FHIT: variants seen among roughly 807,000 people sequenced by gnomAD.
FHIT encodes the protein fragile histidine triad diadenosine triphosphatase, also known as bis(5'-adenosyl)-triphosphatase.
Under a neutral mutation model 17.9 loss-of-function variants are expected in FHIT, and 19 were observed. The observed-to-expected ratio is 1.06, with a 90% CI of 0.74 to 1.56. FHIT has a LOEUF of 1.56. Among genes scored for constraint, FHIT ranks in the 40% most tolerant of loss-of-function variants. The pLI is 0.00. For missense variants in FHIT, 248 were observed against 189.2 expected, an observed-to-expected ratio of 1.31 and a Z score of -1.82; for synonymous variants, 81 against 69.7, an observed-to-expected ratio of 1.16 and a Z score of -0.81.
chr3:60,495,429 G>A (rs1372624456), intron 5 of FHIT, among the ~76,000 whole-genome samples: 2 of 151,536 alleles, frequency 1.3e-5, no homozygotes, highest in Admixed American at 6.6e-5. Context: ...AGTTTATGGG[G>A]CTTTGTGTTT....
At chr3:61,059,231 C>A (rs2034337172) in intron 2 of FHIT, among the ~76,000 whole-genome samples, 1 of 152,204 alleles carries the variant, frequency 6.6e-6, no homozygotes, top group African/African-American at 2.4e-5. Context: ...CACTGTCCAA[C>A]ATTTTACACA....
chr3:60,610,073 T>A (rs2038737931), intron 4 of FHIT, among the ~76,000 whole-genome samples: 1 of 152,210 alleles, frequency 6.6e-6, no homozygotes, highest in South Asian at 2.1e-4. Context: ...GTAAATAAAC[T>A]ACATTATTAT....
At position 61,231,128 on chromosome 3, in the gene FHIT, C is replaced by T. The variant is rs373528619; in HGVS notation, c.-213+20173G>A. ...GAAGAGAAATTGGGTAACGCATAGG[C>T]ATGAATCTCTCTATACTAGTTCTTA... On this transcript the variant is annotated intron_variant, in intron 1 of 9. Transcript: ENST00000492590. Among the ~76,000 whole-genome samples the T allele has an allele frequency of 1.3e-4, 19 of 151,906 alleles. No individual in the cohort carries two copies. In the East Asian group the frequency reaches 1.9e-3, roughly 16 times the overall value.
chr3:60,462,907 C>T (rs2032563764), intron 5 of FHIT, among the ~76,000 whole-genome samples: 1 of 152,204 alleles, frequency 6.6e-6, no homozygotes, highest in Admixed American at 6.5e-5. Flanking sequence ...ACCAACCCTG[C>T]TCTGTATCAC....
chr3:59,998,804 T>C (rs1364492080), intron 7 of FHIT, among the ~76,000 whole-genome samples: 2 of 152,120 alleles, frequency 1.3e-5, no homozygotes, highest in African/African-American at 4.8e-5. Flanking sequence ...CTGACCCATA[T>C]TTCCAGTTTA....
chr3:60,975,966 C>T (rs532795987), intron 3 of FHIT, among the ~76,000 whole-genome samples: 1 of 152,188 alleles, frequency 6.6e-6, no homozygotes, highest in South Asian at 2.1e-4. Flanking sequence ...CAAATCAACT[C>T]TTTCTACACA....
At chr3:59,947,622 C>A (rs1157694749) in intron 7 of FHIT, among the ~76,000 whole-genome samples, 1 of 152,162 alleles carries the variant, frequency 6.6e-6, no homozygotes, top group Non-Finnish European at 1.5e-5. Flanking sequence ...TAGCTCAGCA[C>A]TCCTGGGGGA....
intron 5 of FHIT, among the ~76,000 whole-genome samples, chr3:60,325,202 CA>C (rs1352099921): frequency 6.6e-6 from 1 of 152,074 alleles, no homozygotes; most frequent in Non-Finnish European, 1.5e-5. Flanking sequence ...AGCCATGCTA[CA>C]TATTTTTATA....
chr3:60,331,846 C>T (rs1262984740), intron 5 of FHIT, among the ~76,000 whole-genome samples: 4 of 109,900 alleles, frequency 3.6e-5, no homozygotes, highest in African/African-American at 6.3e-5. Flanking sequence ...AACTCTGTCT[C>T]GGAAAAAAAA....
chr3:60,315,363 A>T (rs1709118327), intron 5 of FHIT, among the ~76,000 whole-genome samples: 2 of 152,190 alleles, frequency 1.3e-5, no homozygotes, highest in Admixed American at 1.3e-4. Flanking sequence ...ATGTATACAC[A>T]CGAGTAACCA....
intron 7 of FHIT, among the ~76,000 whole-genome samples, chr3:59,950,640 G>A (rs1313418183): frequency 1.3e-5 from 2 of 152,160 alleles, no homozygotes; most frequent in Admixed American, 1.3e-4. Context: ...ATCAGGAGCA[G>A]TAAACTCAAT....
At chr3:59,976,620 G>A (rs1287084903) in intron 7 of FHIT, among the ~76,000 whole-genome samples, 6 of 152,012 alleles carry the variant, frequency 3.9e-5, no homozygotes, top group Admixed American at 6.6e-5. Context: ...AGCCTCTCAC[G>A]CAGCCCTACC....
intron 3 of FHIT, among the ~76,000 whole-genome samples, chr3:61,027,835 T>G (rs1357382424): frequency 6.6e-6 from 1 of 152,250 alleles, no homozygotes; most frequent in African/African-American, 2.4e-5. Flanking sequence ...GAGTAGTGAT[T>G]ATTTTATTCA....
intron 3 of FHIT, among the ~76,000 whole-genome samples, chr3:61,020,429 G>A (rs1024414812): frequency 2.0e-5 from 3 of 151,868 alleles, no homozygotes; most frequent in African/African-American, 7.3e-5. Context: ...TGTAGATTCT[G>A]GATCTTAGCA....
chr3:60,722,986 G>C (rs1553708497), intron 4 of FHIT, among the ~76,000 whole-genome samples: 1 of 152,070 alleles, frequency 6.6e-6, no homozygotes, highest in South Asian at 2.1e-4. Context: ...CTCCCAAAGT[G>C]CTGGGATTAC....
At chr3:60,118,927 A>G (rs146920205) in intron 5 of FHIT, among the ~76,000 whole-genome samples, 5,138 of 150,868 alleles carry the variant, frequency 0.034, 279 homozygotes, top group African/African-American at 0.12. Flanking sequence ...AGGCTGAGGC[A>G]GAAGAATCAC....
intron 5 of FHIT, among the ~76,000 whole-genome samples, chr3:60,234,877 G>A (rs536508596): frequency 8.1e-4 from 123 of 151,168 alleles, no homozygotes; most frequent in African/African-American, 2.9e-3. Context: ...ATCCTTCTTT[G>A]AGATGTTGTT....
chr3:60,902,354 A>G (rs1706162083), intron 3 of FHIT, among the ~76,000 whole-genome samples: 1 of 152,198 alleles, frequency 6.6e-6, no homozygotes, highest in Non-Finnish European at 1.5e-5. Context: ...GCTGAATGGC[A>G]TCCTATTTTA....
At chr3:61,035,274 A>G (rs1260856172) in intron 3 of FHIT, among the ~76,000 whole-genome samples, 1 of 152,106 alleles carries the variant, frequency 6.6e-6, no homozygotes, top group East Asian at 1.9e-4. Context: ...TTTAAAATGG[A>G]TTTTTTGTTA....
Sources: gnomAD v4.1 joint callset for allele counts (sites outside exome capture counted in the v4.1 genomes callset) on GRCh38, gnomAD v4.1.1 for gene constraint, MANE v1.5 for transcripts, NCBI Gene and HGNC (gene_info 2026-07-23, HGNC 2026-07-21) for gene names.